Variants in RAB27B observed in about 807,000 individuals in gnomAD.
RAB27B encodes the protein ras-related protein Rab-27B.
A neutral mutation model predicts 24.6 loss-of-function variants in RAB27B; 15 were observed. The observed-to-expected ratio is 0.61, with a 90% CI of 0.41 to 0.94. RAB27B has a LOEUF of 0.94. Ranked by LOEUF, RAB27B falls within the 40% of genes least tolerant of loss-of-function variation. The pLI is 0.00. For missense variants in RAB27B, 261 were observed against 266.8 expected, an observed-to-expected ratio of 0.98 and a Z score of 0.15; for synonymous variants, 105 against 92.5, an observed-to-expected ratio of 1.14 and a Z score of -0.78.
chr18:54,867,442 C>CTTTTTTTTTTTTTTTTTTT (rs548288719), intron 1 of RAB27B, among the ~76,000 whole-genome samples: 6 of 98,754 alleles, frequency 6.1e-5, no homozygotes, highest in Admixed American at 1.3e-4. Flanking sequence ...CTTTTCTTTT[C>CTTTTTTTTTTTTTTTTTTT]TTTTTTTTTT....
At chr18:54,879,589 G>C in intron 3 of RAB27B, 135 bp downstream of exon 3, 1 of 729,208 alleles carries the variant, frequency 1.4e-6, no homozygotes, top group Non-Finnish European at 2.3e-6. Flanking sequence ...TTTGTATCCA[G>C]AAATAAAAAT....
upstream of RAB27B, among the ~76,000 whole-genome samples, chr18:54,826,906 A>T (rs1910494052): frequency 6.6e-6 from 1 of 152,228 alleles, no homozygotes; most frequent in Non-Finnish European, 1.5e-5. Flanking sequence ...TGCATACAGG[A>T]AATAATAGCT....
upstream of RAB27B, among the ~76,000 whole-genome samples, chr18:54,825,480 T>A (rs1379219665): frequency 6.6e-6 from 1 of 152,206 alleles, no homozygotes; most frequent in Non-Finnish European, 1.5e-5. Flanking sequence ...TCAGAATTTT[T>A]TTCCATTTTT....
At chr18:54,801,008 G>GTTTTTTTTTTTT (rs11363761) in intron 2 of RAB27B, among the ~76,000 whole-genome samples, 33 of 93,088 alleles carry the variant, frequency 3.5e-4, no homozygotes, top group African/African-American at 1.3e-3. Context: ...TTGTTCCTGT[G>GTTTTTTTTTTTT]TTTTTTTTTT....
chr18:54,821,763 A>AT (rs964148577), intron 2 of RAB27B, among the ~76,000 whole-genome samples: 5 of 152,132 alleles, frequency 3.3e-5, no homozygotes, highest in African/African-American at 1.2e-4. Context: ...TGTTATTTTT[A>AT]TTTTTTTGAG....
intron 2 of RAB27B, among the ~76,000 whole-genome samples, chr18:54,813,686 C>T (rs1910036723): frequency 6.6e-6 from 1 of 152,278 alleles, no homozygotes; most frequent in Non-Finnish European, 1.5e-5. Context: ...CCAAAATAAA[C>T]CTGTTTATAA....
chr18:54,816,404 A>T lies in RAB27B; in HGVS notation c.-19-61163A>T, dbSNP rs148463391. On this transcript the variant is annotated intron_variant, in intron 2 of 4. Transcript: ENST00000586570. The stretch of plus-strand genomic sequence containing the variant: ...AATATTTTCAAAAACTTGTATTTGT[A>T]GTATTTTTAAATCAGTAAGTATATC... Among the ~76,000 whole-genome samples the T allele has an allele frequency of 2.3e-4, 35 of 152,372 alleles. No homozygotes were observed. In the East Asian group the frequency reaches 6.6e-3, roughly 29 times the overall value.
At chr18:54,818,360 A>G (rs536344930) in intron 2 of RAB27B, among the ~76,000 whole-genome samples, 4 of 152,264 alleles carry the variant, frequency 2.6e-5, no homozygotes, top group South Asian at 2.1e-4. Context: ...ATATTAATCA[A>G]TTCATCCTTT....
At chr18:54,876,917 A>G (rs1465479224) in intron 1 of RAB27B, among the ~76,000 whole-genome samples, 1 of 152,096 alleles carries the variant, frequency 6.6e-6, no homozygotes, top group Non-Finnish European at 1.5e-5. Flanking sequence ...GTTTTAAAAC[A>G]CAAGTCTATA....
chr18:54,817,516 A>T (rs567860894), intron 2 of RAB27B, among the ~76,000 whole-genome samples: 3 of 152,322 alleles, frequency 2.0e-5, no homozygotes, highest in Admixed American at 2.0e-4. Flanking sequence ...AAAATACAAG[A>T]AACAGAATGG....
intron 3 of RAB27B, among the ~76,000 whole-genome samples, chr18:54,882,693 A>G (rs1209724132): frequency 6.6e-6 from 1 of 152,166 alleles, no homozygotes; most frequent in Non-Finnish European, 1.5e-5. Flanking sequence ...AGCCCAGGGG[A>G]GCAGAGTGAA....
intron 2 of RAB27B, among the ~76,000 whole-genome samples, chr18:54,795,205 C>A (rs746032982): frequency 2.6e-5 from 4 of 152,134 alleles, no homozygotes; most frequent in Admixed American, 1.3e-4. Flanking sequence ...TAGCTTGAGC[C>A]CCCCCACACC....
At chr18:54,777,976 A>G (rs1226298570) in intron 2 of RAB27B, among the ~76,000 whole-genome samples, 1 of 152,236 alleles carries the variant, frequency 6.6e-6, no homozygotes, top group East Asian at 1.9e-4. Flanking sequence ...GGCAATGAAA[A>G]CTTTTAAAAA....
intron 5 of RAB27B, 72 bp from the exon 6 acceptor site, chr18:54,889,152 T>A: frequency 1.5e-6 from 2 of 1,374,162 alleles, no homozygotes; most frequent in South Asian, 3.4e-5. Context: ...CATGTGTGAT[T>A]CACTTGTACA....
At chr18:54,770,413 C>T (rs1326724024) in intron 2 of RAB27B, among the ~76,000 whole-genome samples, 9 of 151,872 alleles carry the variant, frequency 5.9e-5, no homozygotes, top group Non-Finnish European at 2.9e-5. Context: ...TAAGTGTGTA[C>T]TCCTTATGAT....
At chr18:54,749,855 A>G (rs1298609176) in intron 2 of RAB27B, among the ~76,000 whole-genome samples, 2 of 152,108 alleles carry the variant, frequency 1.3e-5, no homozygotes, top group Admixed American at 1.3e-4. Context: ...TTCAAGCTCT[A>G]ATAATGTTAG....
intron 2 of RAB27B, among the ~76,000 whole-genome samples, chr18:54,741,650 T>A (rs1371313935): frequency 6.6e-6 from 1 of 152,066 alleles, no homozygotes; most frequent in East Asian, 1.9e-4. Context: ...TGCACCACCA[T>A]GCCCAGCTAA....
chr18:54,722,675 T>C (rs536929606), intron 2 of RAB27B, among the ~76,000 whole-genome samples: 1 of 152,336 alleles, frequency 6.6e-6, no homozygotes, highest in East Asian at 1.9e-4. Context: ...TAAAGATGCT[T>C]GGGGTTTTGT....
intron 2 of RAB27B, among the ~76,000 whole-genome samples, chr18:54,772,177 T>TA (rs1568060061): frequency 6.6e-6 from 1 of 152,226 alleles, no homozygotes; most frequent in African/African-American, 2.4e-5. Flanking sequence ...AGGTCCTGGA[T>TA]AGGGACTGCT....
Sources: gnomAD v4.1 joint callset for allele counts (sites outside exome capture counted in the v4.1 genomes callset) on GRCh38, gnomAD v4.1.1 for gene constraint, MANE v1.5 for transcripts, NCBI Gene and HGNC (gene_info 2026-07-23, HGNC 2026-07-21) for gene names.